Variants in ZFR observed in about 807,000 individuals in gnomAD.
The protein encoded by ZFR is zinc finger RNA-binding protein.
In ZFR, 19 loss-of-function variants were observed where a neutral mutation model predicts 130.7. That is an observed-to-expected ratio of 0.15 (90% confidence interval 0.10 to 0.21). The LOEUF (loss-of-function observed/expected upper bound fraction) is 0.21, where lower values mean the gene tolerates loss of function less well. ZFR is among the 10% of genes least tolerant of loss of function. The probability of loss-of-function intolerance (pLI) is 1.00; values close to 1 mark genes in which losing one functional copy is unlikely to be tolerated. For synonymous variants in ZFR, 466 were observed against 456.9 expected (o/e 1.02, Z -0.25); for missense variants, 872 against 1,321.5 (o/e 0.66, Z 5.27).
At chr5:32,388,951 C>G (rs968195745) in intron 12 of ZFR, among the ~76,000 whole-genome samples, 6 of 152,140 alleles carry the variant, frequency 3.9e-5, no homozygotes, top group African/African-American at 1.4e-4. Context: ...GCTCTTTACT[C>G]AACCTTAGAA....
chr5:32,407,665 C>A (rs1753606183), intron 5 of ZFR, among the ~76,000 whole-genome samples: 1 of 151,890 alleles, frequency 6.6e-6, no homozygotes, highest in Non-Finnish European at 1.5e-5. Flanking sequence ...AAATATAGAA[C>A]AACTGTTAAA....
intron 9 of ZFR, among the ~76,000 whole-genome samples, chr5:32,399,601 T>G (rs563433302): frequency 2.0e-5 from 3 of 152,206 alleles, no homozygotes; most frequent in African/African-American, 7.2e-5. Flanking sequence ...ATGAATATAT[T>G]CTGTTAAATC....
intron 17 of ZFR, among the ~76,000 whole-genome samples, chr5:32,370,689 T>TA (rs1296626073): frequency 6.6e-6 from 1 of 152,160 alleles, no homozygotes; most frequent in Non-Finnish European, 1.5e-5. Context: ...TAATAAACAT[T>TA]AAAAAAATTA....
At position 32,406,948 on chromosome 5, in the gene ZFR, TTGC is replaced by T. The variant is rs761299567; in HGVS notation, c.855_857del (p.Gln287del). 18 of 1,598,000 alleles carry T rather than the reference TTGC, an allele frequency of 1.1e-5. No individual in the cohort carries two copies. The highest frequency in any genetic ancestry group is 1.7e-4 in the Middle Eastern group (1 of 5,862). ...CAGCTGCTGCTGCTGCCTGCTTCTGTTGCTGCTGCTGCTGTTGATAGTAGGAAG... is the reference window on the plus strand; with the variant it reads ...CAGCTGCTGCTGCTGCCTGCTTCTGTTGCTGCTGCTGTTGATAGTAGGAAG... On this transcript the variant is annotated inframe_deletion, in exon 6 of 20. Transcript: ENST00000265069.
At chr5:32,404,765 G>C (rs1279461193) in intron 6 of ZFR, among the ~76,000 whole-genome samples, 68 of 152,330 alleles carry the variant, frequency 4.5e-4, no homozygotes, top group Non-Finnish European at 2.9e-5. Context: ...ATTAATACGA[G>C]AGGATATTAG....
At chr5:32,427,810 T>C (rs985589561) in intron 2 of ZFR, among the ~76,000 whole-genome samples, 2 of 152,194 alleles carry the variant, frequency 1.3e-5, no homozygotes, top group Non-Finnish European at 2.9e-5. Context: ...GACCCAGATA[T>C]ATAGCCTTGC....
At chr5:32,390,140 G>C in intron 12 of ZFR, 135 bp downstream of exon 12, 1 of 1,206,798 alleles carries the variant, frequency 8.3e-7, no homozygotes, top group Non-Finnish European at 1.1e-6. Flanking sequence ...GGGCGACAGA[G>C]CAAGACTCTG....
At chr5:32,379,263 T>A in intron 16 of ZFR, 53 bp from the exon 17 acceptor site, 1 of 1,473,628 alleles carries the variant, frequency 6.8e-7, no homozygotes, top group Non-Finnish European at 9.5e-7. Context: ...ACTGAATATA[T>A]CCCTTGATGA....
At chr5:32,367,109 C>T (rs1005353518) in intron 17 of ZFR, among the ~76,000 whole-genome samples, 4 of 151,818 alleles carry the variant, frequency 2.6e-5, no homozygotes, top group Non-Finnish European at 5.9e-5. Flanking sequence ...TGCTCTGTTT[C>T]CTAGACTGGA....
chr5:32,358,694 T>A (rs1472294163), intron 19 of ZFR, among the ~76,000 whole-genome samples: 2 of 151,862 alleles, frequency 1.3e-5, no homozygotes, highest in East Asian at 3.9e-4. Context: ...GAAATTTTAA[T>A]TAACTTTTTT....
chr5:32,364,324 CTCATTT>C (rs1752494196), intron 17 of ZFR, 49 bp from the exon 18 acceptor site: 1 of 1,439,544 alleles, frequency 6.9e-7, no homozygotes. Context: ...AAAGGAATTA[CTCATTT>C]TCAAACTAAA....
chr5:32,422,437 T>G (rs564400862), intron 2 of ZFR, among the ~76,000 whole-genome samples: 21 of 152,250 alleles, frequency 1.4e-4, no homozygotes, highest in African/African-American at 4.8e-4. Context: ...CCTGGCATTG[T>G]CTAACTCTGC....
rs1249023752 is a variant in ZFR at position 32,440,652 on chromosome 5, C to CAA, written c.137+3575_137+3576dup. ...ACAGAAGGAGACTCTGTCTCAAAAA[C>CAA]AAAAAAAAAAACAAAAAATACAAAA... On this transcript the variant is annotated intron_variant, in intron 2 of 19. Transcript: ENST00000265069. Among the ~76,000 whole-genome samples the CAA allele has an allele frequency of 4.7e-4, 51 of 109,014 alleles. No individual in the cohort carries two copies. In the East Asian group the frequency reaches 6.7e-3, roughly 14 times the overall value. The allele number at this position is 109,014 out of a possible 152,430, so 71.5% of individuals were successfully genotyped here. A position where few individuals can be genotyped will look rare whatever the true frequency, so the allele number is the denominator to read the frequency against.
intron 5 of ZFR, among the ~76,000 whole-genome samples, chr5:32,409,048 C>T (rs1279542407): frequency 6.6e-6 from 1 of 152,148 alleles, no homozygotes; most frequent in African/African-American, 2.4e-5. Flanking sequence ...GTATTGCAGT[C>T]TGCATTTGAG....
chr5:32,390,510 T>G (rs756444496), intron 11 of ZFR, 73 bp from the exon 12 acceptor site: 9 of 1,384,130 alleles, frequency 6.5e-6, no homozygotes, highest in Non-Finnish European at 8.7e-6. Flanking sequence ...AATAGTGACA[T>G]AAAAAGCAAT....
intron 17 of ZFR, 65 bp from the exon 18 acceptor site, chr5:32,364,340 A>T: frequency 1.5e-6 from 2 of 1,352,788 alleles, no homozygotes; most frequent in South Asian, 2.9e-5. Flanking sequence ...TTCAAACTAA[A>T]ATTTTAAAGA....
intron 5 of ZFR, among the ~76,000 whole-genome samples, chr5:32,407,874 C>T (rs573379881): frequency 4.8e-4 from 73 of 152,210 alleles, no homozygotes; most frequent in Non-Finnish European, 8.1e-4. Context: ...AATCTGTGAA[C>T]GTGGAGACGG....
intron 2 of ZFR, among the ~76,000 whole-genome samples, chr5:32,430,357 C>T (rs1246154957): frequency 6.6e-6 from 1 of 152,054 alleles, no homozygotes; most frequent in Non-Finnish European, 1.5e-5. Flanking sequence ...ACTAATTAAA[C>T]ATGGCTGGCA....
At chr5:32,397,461 T>A in intron 9 of ZFR, 123 bp from the exon 10 acceptor site, 2 of 1,288,558 alleles carry the variant, frequency 1.6e-6, no homozygotes, top group East Asian at 4.9e-5. Context: ...TATTACATTT[T>A]TTTTTTCCCC....
Sources: allele counts gnomAD v4.1 joint callset (sites outside exome capture counted in the v4.1 genomes callset), GRCh38; gene constraint gnomAD v4.1.1; transcripts MANE v1.5; gene names NCBI Gene and HGNC (gene_info 2026-07-23, HGNC 2026-07-21).